The following USP34 variants were observed in gnomAD, a reference collection of about 807,000 sequenced individuals.
USP34 encodes the protein ubiquitin carboxyl-terminal hydrolase 34.
Under a neutral mutation model 460.3 loss-of-function variants are expected in USP34, and 70 were observed. The observed-to-expected ratio is 0.15, with a 90% confidence interval of 0.13 to 0.19. USP34 has a LOEUF of 0.19. Ranked by LOEUF, USP34 falls within the 10% of genes least tolerant of loss-of-function variation. The pLI, the probability that USP34 is intolerant of heterozygous loss-of-function variation, is 1.00. For missense variants in USP34, 3,985 were observed against 4,236.2 expected, an observed-to-expected ratio of 0.94 and a Z score of 1.65; for synonymous variants, 1,647 against 1,405.3, an observed-to-expected ratio of 1.17 and a Z score of -3.85.
chr2:61,421,607 G>T (rs1490666163), intron 1 of USP34, among the ~76,000 whole-genome samples: 2 of 152,128 alleles, frequency 1.3e-5, no homozygotes, highest in Non-Finnish European at 2.9e-5. Context: ...CTTTCTTACT[G>T]TTTCTTTATA....
At chr2:61,342,967 A>G (rs1286136490) in intron 16 of USP34, among the ~76,000 whole-genome samples, 2 of 152,210 alleles carry the variant, frequency 1.3e-5, no homozygotes, top group African/African-American at 2.4e-5. Context: ...ACAGCACAAC[A>G]ATAAAATAAG....
intron 1 of USP34, among the ~76,000 whole-genome samples, chr2:61,440,676 C>T (rs904672733): frequency 4.0e-5 from 6 of 151,808 alleles, no homozygotes; most frequent in African/African-American, 1.2e-4. Context: ...CACCACCATA[C>T]CCGGCTACTT....
intron 53 of USP34, among the ~76,000 whole-genome samples, chr2:61,237,830 A>G (rs774086382): frequency 6.7e-5 from 10 of 150,066 alleles, no homozygotes; most frequent in Admixed American, 1.3e-4. Flanking sequence ...CCTACTTCCC[A>G]AAGTGCTTAG....
chr2:61,300,484 C>A (rs936867699), intron 29 of USP34, among the ~76,000 whole-genome samples: 1 of 150,796 alleles, frequency 6.6e-6, no homozygotes, highest in Non-Finnish European at 1.5e-5. Flanking sequence ...ACCGCCCCGG[C>A]CCAATTTTAC....
intron 7 of USP34, among the ~76,000 whole-genome samples, chr2:61,379,469 G>A (rs1477223533): frequency 6.6e-6 from 1 of 152,068 alleles, no homozygotes; most frequent in Non-Finnish European, 1.5e-5. Flanking sequence ...GCAGTAAGCC[G>A]AGATCATGCC....
chr2:61,391,008 T>G (rs922805518), intron 5 of USP34, among the ~76,000 whole-genome samples: 1 of 151,662 alleles, frequency 6.6e-6, no homozygotes, highest in African/African-American at 2.4e-5. Flanking sequence ...GGCAGGAGAA[T>G]CGCTTGAATC....
At chr2:61,370,880 T>A (rs1692602723) in intron 8 of USP34, among the ~76,000 whole-genome samples, 1 of 152,184 alleles carries the variant, frequency 6.6e-6, no homozygotes, top group African/African-American at 2.4e-5. Context: ...GTCTTTGCCT[T>A]CCCACTTTTT....
chr2:61,422,769 C>T (rs1019003666), intron 1 of USP34, among the ~76,000 whole-genome samples: 1 of 152,134 alleles, frequency 6.6e-6, no homozygotes, highest in African/African-American at 2.4e-5. Flanking sequence ...AAGGCCAAGG[C>T]GGGCAGATCA....
chr2:61,194,136 G>C (rs1686723476), intron 75 of USP34: 1 of 985,368 alleles, frequency 1.0e-6, no homozygotes, highest in South Asian at 4.7e-5. Context: ...TCCTACACAG[G>C]CAAGTCAGGT....
intron 27 of USP34, among the ~76,000 whole-genome samples, chr2:61,307,318 G>A (rs1452619205): frequency 9.1e-5 from 12 of 131,204 alleles, no homozygotes; most frequent in Non-Finnish European, 1.8e-4. Flanking sequence ...CCTGTCATGG[G>A]GTGGGGGGAG....
At chr2:61,423,688 G>C (rs757714941) in intron 1 of USP34, among the ~76,000 whole-genome samples, 1 of 152,148 alleles carries the variant, frequency 6.6e-6, no homozygotes, top group Non-Finnish European at 1.5e-5. Context: ...TCACACCTCC[G>C]ATCCTAGTGC....
chr2:61,229,476 C>CA (rs70959901), intron 59 of USP34, 72 bp downstream of exon 59: 11,060 of 393,322 alleles, frequency 0.028, 32 homozygotes, highest in African/African-American at 0.045. Context: ...AAAAAAAAAA[C>CA]AAAAAAAAAA....
intron 2 of USP34, among the ~76,000 whole-genome samples, chr2:61,420,383 G>A (rs1156282764): frequency 6.6e-6 from 1 of 152,070 alleles, no homozygotes; most frequent in Admixed American, 6.6e-5. Context: ...CAGATATTAA[G>A]TGGCTTAAAA....
chr2:61,288,815 G>T lies in USP34; in HGVS notation c.4611C>A (p.Ser1537=), dbSNP rs757392275. 1.2e-6 allele frequency: 2 copies of T among 1,613,752 alleles called. No individual in the cohort carries two copies. Among genetic ancestry groups the T allele is most frequent in the Non-Finnish European group, 1.7e-6 (2 of 1,179,940 alleles). Residue 1537 remains serine, a synonymous_variant, in exon 34 of 80, where the codon TCC becomes TCA. Transcript: ENST00000398571. ...KLICQFAVDP[S]DLDLAYHDVF... The stretch of plus-strand genomic sequence containing the variant: ...CATCATGATAAGCTAAATCCAAATC[G>T]GATGGATCTACTGCAAACTGGCATA...
At chr2:61,216,471 G>C (rs959559083) in intron 67 of USP34, among the ~76,000 whole-genome samples, 3 of 151,972 alleles carry the variant, frequency 2.0e-5, no homozygotes, top group Non-Finnish European at 4.4e-5. Flanking sequence ...GTGGTGGTGA[G>C]CGCCTGTAGT....
intron 61 of USP34, among the ~76,000 whole-genome samples, chr2:61,228,201 C>T (rs750300614): frequency 9.2e-5 from 14 of 152,114 alleles, no homozygotes; most frequent in East Asian, 1.9e-4. Flanking sequence ...AAAAAGAGTG[C>T]AAGTAGATCA....
intron 6 of USP34, among the ~76,000 whole-genome samples, chr2:61,380,921 A>G (rs1692950234): frequency 1.3e-5 from 2 of 152,240 alleles, no homozygotes; most frequent in Non-Finnish European, 2.9e-5. Context: ...ACCAATCGGC[A>G]TGGCAATCAC....
At chr2:61,303,585 G>C (rs992762407) in intron 27 of USP34, among the ~76,000 whole-genome samples, 1 of 151,974 alleles carries the variant, frequency 6.6e-6, no homozygotes, top group Non-Finnish European at 1.5e-5. Context: ...TGGATGGACA[G>C]AAATTCTGTA....
rs56304309 is a variant in USP34 at position 61,375,768 on chromosome 2, C to CAAAA, written c.1076+2591_1076+2594dup. ...TGGGTGACAGACCAAGACTCTGTCT[C>CAAAA]AAAAAAAAAAAAAAAAAAAAAAAAA... On this transcript the variant is annotated intron_variant, in intron 8 of 79. Transcript: ENST00000398571. Among the ~76,000 whole-genome samples the CAAAA allele has an allele frequency of 4.1e-3, 330 of 80,806 alleles. 10 individuals are homozygous for CAAAA. Among genetic ancestry groups the CAAAA allele is most frequent in the African/African-American group, 0.013 (307 of 23,134 alleles). 53.0% of individuals were successfully genotyped at this position (80,806 alleles called of 152,430 possible). A position where few individuals can be genotyped will look rare whatever the true frequency, so the allele number is the denominator to read the frequency against.
Sources: allele counts gnomAD v4.1 joint callset (sites outside exome capture counted in the v4.1 genomes callset), GRCh38; gene constraint gnomAD v4.1.1; transcripts MANE v1.5; gene names NCBI Gene and HGNC (gene_info 2026-07-23, HGNC 2026-07-21).